Variants in SEPTIN9 observed in about 807,000 individuals in gnomAD.
SEPTIN9 encodes septin-9.
A neutral mutation model predicts 56.6 loss-of-function variants in SEPTIN9; 13 were observed. The ratio of observed to expected loss-of-function variants is 0.23; its 90% CI spans 0.15 to 0.37. SEPTIN9 has a LOEUF of 0.37. SEPTIN9 is among the 10% of genes least tolerant of loss of function. The pLI is 1.00. For missense variants in SEPTIN9, 650 were observed against 823.1 expected (o/e 0.79, Z 2.57); for synonymous variants, 332 against 334.1 (o/e 0.99, Z 0.07).
intron 3 of SEPTIN9, among the ~76,000 whole-genome samples, chr17:77,461,899 C>T (rs932856150): frequency 6.6e-6 from 1 of 152,132 alleles, no homozygotes; most frequent in African/African-American, 2.4e-5. Context: ...GTTCCAGTCC[C>T]GAGACCCAGG....
At chr17:77,366,998 T>TG (rs1454524641) in intron 2 of SEPTIN9, among the ~76,000 whole-genome samples, 1 of 152,190 alleles carries the variant, frequency 6.6e-6, no homozygotes, top group Non-Finnish European at 1.5e-5. Context: ...CAAAGCAGGC[T>TG]GGGGGGATCA....
intron 2 of SEPTIN9, among the ~76,000 whole-genome samples, chr17:77,395,695 T>C (rs1276297126): frequency 6.6e-6 from 1 of 152,244 alleles, no homozygotes; most frequent in Non-Finnish European, 1.5e-5. Flanking sequence ...TGAGTGTGTG[T>C]GTGCGTGCAA....
Position 77,498,680 on chromosome 17 carries a change from G to T in SEPTIN9, c.*22G>T. The T allele has an allele frequency of 6.6e-7, 1 of 1,505,126 alleles. No homozygotes were observed. Among genetic ancestry groups the T allele is most frequent in the Admixed American group, 1.9e-5 (1 of 52,516 alleles). The allele number at this position is 1,505,126 out of a possible 1,614,324, so 93.2% of individuals were successfully genotyped here. The stretch of plus-strand genomic sequence containing the variant: ...GTAGACGCCACCCTGCCCACCCCCG[G>T]GATCCTGCCCCCAAGTCATTTCCGT... On this transcript the variant is annotated 3_prime_UTR_variant, in exon 12 of 12. Coordinates refer to ENST00000427177, the MANE Select transcript of SEPTIN9 (RefSeq NM_001113491.2).
chr17:77,329,966 C>T lies in SEPTIN9; in HGVS notation c.76+22769C>T, dbSNP rs1205194700. The stretch of plus-strand genomic sequence containing the variant: ...AGGCAGGTGGGTGGGGGCTGCAGTC[C>T]ATGCCCCCGCTCCAGGCAACACAGT... On this transcript the variant is annotated intron_variant, in intron 2 of 11. Coordinates refer to ENST00000427177, the MANE Select transcript of SEPTIN9 (RefSeq NM_001113491.2). The surrounding 1 kb of genome is among the most constrained non-coding windows in gnomAD (Gnocchi z 4.3). Among the ~76,000 whole-genome samples the T allele has an allele frequency of 6.6e-6, 1 of 152,152 alleles. No individual in the cohort carries two copies. Among genetic ancestry groups the T allele is most frequent in the Non-Finnish European group, 1.5e-5 (1 of 68,002 alleles).
At chr17:77,490,103 C>T (rs761771705) in intron 7 of SEPTIN9, among the ~76,000 whole-genome samples, 5 of 152,252 alleles carry the variant, frequency 3.3e-5, no homozygotes, top group Non-Finnish European at 5.9e-5. Context: ...AGGGGCGGGC[C>T]TTGGCCATCT....
chr17:77,477,217 G>C (rs372757576), intron 3 of SEPTIN9, among the ~76,000 whole-genome samples: 2 of 151,990 alleles, frequency 1.3e-5, no homozygotes, highest in South Asian at 2.1e-4. Flanking sequence ...CAGTTGAGTG[G>C]CATTTTTTCA....
chr17:77,469,424 C>T (rs2144554158), intron 3 of SEPTIN9: 1 of 152,396 alleles, frequency 6.6e-6, no homozygotes, highest in African/African-American at 2.4e-5. Flanking sequence ...TTTCATTCTT[C>T]AGAGGATTGG....
rs2034598594 is a variant in SEPTIN9, at chr17:77,367,269, A to G, written c.77-34790A>G. On this transcript the variant is annotated intron_variant, in intron 2 of 11. Transcript: ENST00000427177. The surrounding 1 kb of genome is among the most constrained non-coding windows in gnomAD (Gnocchi z 4.5). ...AGGTGGAAACCATGCACTGTCTGTG[A>G]TCCTGGGCATGTCGAGGCTGGAGCA... 6.6e-6 allele frequency among the ~76,000 whole-genome samples: 1 copy of G among 152,176 alleles called. No individual in the cohort carries two copies. Among genetic ancestry groups the G allele is most frequent in the Non-Finnish European group, 1.5e-5 (1 of 68,024 alleles).
chr17:77,376,449 T>A (rs2034923442), intron 2 of SEPTIN9: 8 of 968,166 alleles, frequency 8.3e-6, no homozygotes, highest in Non-Finnish European at 9.8e-6. Flanking sequence ...AGCGCTGGGA[T>A]GGTGGCCCCA....
At chr17:77,350,930 C>G (rs931181474) in intron 2 of SEPTIN9, among the ~76,000 whole-genome samples, 1 of 151,574 alleles carries the variant, frequency 6.6e-6, no homozygotes, top group Non-Finnish European at 1.5e-5. Flanking sequence ...AAGGGCTTTC[C>G]TGCAGGGGGG....
chr17:77,308,964 C>T (rs7215943), intron 2 of SEPTIN9, among the ~76,000 whole-genome samples: 13,518 of 152,302 alleles, frequency 0.089, 654 homozygotes, highest in Non-Finnish European at 0.11. Flanking sequence ...CATGATTCAG[C>T]GCTGTGGTTA....
rs144544794 is a variant in SEPTIN9, at chr17:77,329,268, T to C, written c.76+22071T>C. The stretch of plus-strand genomic sequence containing the variant: ...TGGAGAGGGAGGATCAGGATCTCTT[T>C]AGAGAGGAAGTTGGAGAGGGAGGAT... On this transcript the variant is annotated intron_variant, in intron 2 of 11. Transcript: ENST00000427177. This position sits in a 1 kb window ranked among gnomAD's most constrained non-coding sequence, Gnocchi z 4.3. Among the ~76,000 whole-genome samples, 11 of 152,198 alleles carry C rather than the reference T, an allele frequency of 7.2e-5. No individual in the cohort carries two copies. In the East Asian group the frequency reaches 1.9e-3, roughly 27 times the overall value.
intron 4 of SEPTIN9, among the ~76,000 whole-genome samples, chr17:77,484,565 G>T (rs1255076187): frequency 9.9e-6 from 1 of 101,122 alleles, no homozygotes; most frequent in African/African-American, 5.5e-5. Context: ...GATGGTGATT[G>T]TGGTGATGGT....
chr17:77,418,033 C>T (rs947478197), intron 3 of SEPTIN9, among the ~76,000 whole-genome samples: 2 of 152,170 alleles, frequency 1.3e-5, no homozygotes, highest in Admixed American at 6.5e-5. Flanking sequence ...TGTTCCCTGG[C>T]GGTGGGGGGA....
intron 2 of SEPTIN9, among the ~76,000 whole-genome samples, chr17:77,341,224 C>T (rs2033714667): frequency 6.6e-6 from 1 of 152,144 alleles, no homozygotes; most frequent in African/African-American, 2.4e-5. Context: ...TTAATCATTT[C>T]TAGCTTTTGA....
intron 2 of SEPTIN9, among the ~76,000 whole-genome samples, chr17:77,390,537 C>A (rs573135863): frequency 6.8e-6 from 1 of 147,836 alleles, no homozygotes; most frequent in Non-Finnish European, 1.5e-5. Context: ...CTGCAAGCTC[C>A]GCCTCCCGGG....
chr17:77,425,960 C>T lies in SEPTIN9; in HGVS notation c.721+23257C>T. The stretch of plus-strand genomic sequence containing the variant: ...CCTGTGCAGAGGGGAGTGTGTGCGG[C>T]TGTGAGTTCAGGCCATGCCCTCAGA... On this transcript the variant is annotated intron_variant, in intron 3 of 11. Transcript: ENST00000427177. The surrounding 1 kb of genome is among the most constrained non-coding windows in gnomAD (Gnocchi z 4.2). 6.6e-6 allele frequency among the ~76,000 whole-genome samples: 1 copy of T among 152,180 alleles called. No individual in the cohort carries two copies. Among genetic ancestry groups the T allele is most frequent in the East Asian group, 1.9e-4 (1 of 5,170 alleles).
At chr17:77,312,578 G>C (rs1234592296) in intron 2 of SEPTIN9, among the ~76,000 whole-genome samples, 1 of 152,140 alleles carries the variant, frequency 6.6e-6, no homozygotes, top group Non-Finnish European at 1.5e-5. Context: ...CATAGCCTCG[G>C]ACCAGAGCCA....
At chr17:77,360,792 C>T (rs1325969121) in intron 2 of SEPTIN9, among the ~76,000 whole-genome samples, 1 of 152,118 alleles carries the variant, frequency 6.6e-6, no homozygotes, top group Non-Finnish European at 1.5e-5. Flanking sequence ...TCTCGATCTC[C>T]TGACCTCGCA....
Sources: allele counts gnomAD v4.1 joint callset (sites outside exome capture counted in the v4.1 genomes callset), GRCh38; gene constraint gnomAD v4.1.1; non-coding constraint Gnocchi (gnomAD v3.1); transcripts MANE v1.5; gene names NCBI Gene and HGNC (gene_info 2026-07-23, HGNC 2026-07-21).